Variants in CRYBG1 observed in about 807,000 individuals in gnomAD.
The protein encoded by CRYBG1 is beta/gamma crystallin domain-containing protein 1.
A neutral mutation model predicts 189.2 loss-of-function variants in CRYBG1; 139 were observed. The ratio of observed to expected loss-of-function variants is 0.73; its 90% CI spans 0.64 to 0.85. The LOEUF (loss-of-function observed/expected upper bound fraction) is 0.85. Ranked by LOEUF, CRYBG1 falls within the 40% of genes least tolerant of loss-of-function variation. The pLI, the probability that CRYBG1 is intolerant of heterozygous loss-of-function variation, is 0.00. For missense variants in CRYBG1, 2,611 were observed against 2,675.8 expected (o/e 0.98, Z 0.53); for synonymous variants, 1,023 against 1,017.1 (o/e 1.01, Z -0.11).
chr6:106,401,390 C>CTTTTTTTTTTTTTAATTTTT (rs1770716120), intron 1 of CRYBG1, among the ~76,000 whole-genome samples: 1 of 140,368 alleles, frequency 7.1e-6, no homozygotes, highest in Non-Finnish European at 1.5e-5. Context: ...CTGAATGATT[C>CTTTTTTTTTTTTTAATTTTT]TTTTTTTTTT....
At chr6:106,441,149 CAT>C (rs1771558927) in intron 1 of CRYBG1, among the ~76,000 whole-genome samples, 1 of 152,006 alleles carries the variant, frequency 6.6e-6, no homozygotes, top group Non-Finnish European at 1.5e-5. Context: ...CAAGCAAAGA[CAT>C]ATAAATAATG....
intron 1 of CRYBG1, among the ~76,000 whole-genome samples, chr6:106,422,620 C>T (rs1468893863): frequency 6.6e-6 from 1 of 152,130 alleles, no homozygotes; most frequent in Non-Finnish European, 1.5e-5. Flanking sequence ...TAGGTGTGGG[C>T]CACCCCATCT....
rs1229504243 is a variant in CRYBG1, at chr6:106,361,953, T to TTTTCTTTCTTTC, written c.173+875_173+876insCTTTCTTTCTTT. 9.0e-5 allele frequency among the ~76,000 whole-genome samples: 8 copies of TTTTCTTTCTTTC among 89,122 alleles called. 2 individuals carry two copies. Among genetic ancestry groups the TTTTCTTTCTTTC allele is most frequent in the Non-Finnish European group, 1.2e-4 (6 of 48,130 alleles). 58.5% of individuals were successfully genotyped at this position (89,122 alleles called of 152,430 possible). ...ATTTGCATTTTAGACATGGTTTTCC[T>TTTTCTTTCTTTC]TTTATTTCTTTCTTTCTTTTTTTTT... On this transcript the variant is annotated intron_variant, in intron 1 of 21. Transcript: ENST00000633556.
At chr6:106,557,189 C>T (rs891413492) in intron 17 of CRYBG1, among the ~76,000 whole-genome samples, 1 of 152,138 alleles carries the variant, frequency 6.6e-6, no homozygotes, top group South Asian at 2.1e-4. Context: ...AGTAGTAATA[C>T]TACTATAATT....
At chr6:106,538,133 T>C (rs1774046727) in intron 8 of CRYBG1, among the ~76,000 whole-genome samples, 4 of 150,274 alleles carry the variant, frequency 2.7e-5, no homozygotes, top group Admixed American at 2.0e-4. Context: ...TTGATGAGTG[T>C]AAGTGATCAC....
At chr6:106,483,297 C>T (rs1202831109) in intron 2 of CRYBG1, among the ~76,000 whole-genome samples, 1 of 150,834 alleles carries the variant, frequency 6.6e-6, no homozygotes, top group African/African-American at 2.4e-5. Flanking sequence ...TCTTCTGGGT[C>T]CATCCATATT....
chr6:106,543,369 A>G, intron 10 of CRYBG1, 71 bp from the exon 11 acceptor site: 1 of 1,448,202 alleles, frequency 6.9e-7, no homozygotes, highest in Non-Finnish European at 9.5e-7. Context: ...AGTGATATTA[A>G]ATGACTGATT....
chr6:106,431,190 A>G (rs184580330), intron 1 of CRYBG1, among the ~76,000 whole-genome samples: 21 of 152,276 alleles, frequency 1.4e-4, no homozygotes, highest in Non-Finnish European at 1.5e-5. Context: ...GCAAGTTACC[A>G]CAGCCTCCTA....
intron 2 of CRYBG1, 129 bp downstream of exon 2, chr6:106,451,961 TATATC>T: frequency 4.3e-6 from 2 of 460,674 alleles, no homozygotes; most frequent in Non-Finnish European, 6.4e-6. Flanking sequence ...ATAAATTATA[TATATC>T]ATATGTAATA....
rs746712213 is a variant in CRYBG1, at chr6:106,433,718, A to AAT, written c.174-17960_174-17959dup. On this transcript the variant is annotated intron_variant, in intron 1 of 21. Transcript: ENST00000633556. ...TGCTTTTAATTGCTAGAAACTGGGA[A>AAT]ATATATATATATATATACATATATA... Among the ~76,000 whole-genome samples, 176 of 64,912 alleles carry AAT rather than the reference A, an allele frequency of 2.7e-3. 11 individuals are homozygous for AAT. Among genetic ancestry groups the AAT allele is most frequent in the Middle Eastern group, 0.012 (2 of 172 alleles). 42.6% of individuals were successfully genotyped at this position (64,912 alleles called of 152,430 possible).
chr6:106,482,754 G>A (rs11754533), intron 2 of CRYBG1, among the ~76,000 whole-genome samples: 42,613 of 150,784 alleles, frequency 0.28, 7,486 homozygotes, highest in East Asian at 0.59. Flanking sequence ...CAGCCTGGGC[G>A]ACAGAGCGAG....
chr6:106,513,354 A>G (rs1427586198), intron 3 of CRYBG1, among the ~76,000 whole-genome samples: 2 of 152,228 alleles, frequency 1.3e-5, no homozygotes, highest in Non-Finnish European at 2.9e-5. Context: ...AGCTGATTCT[A>G]TTCTTTATTC....
chr6:106,382,851 A>G (rs779996312), intron 1 of CRYBG1, among the ~76,000 whole-genome samples: 3 of 152,242 alleles, frequency 2.0e-5, no homozygotes, highest in Non-Finnish European at 4.4e-5. Flanking sequence ...GTGATTAACT[A>G]TAACATTACC....
chr6:106,489,664 CA>C (rs75108691), intron 2 of CRYBG1, among the ~76,000 whole-genome samples: 15,273 of 114,714 alleles, frequency 0.13, 944 homozygotes, highest in Non-Finnish European at 0.17. Context: ...ACTAAAAATA[CA>C]AAAAAAAAAA....
intron 4 of CRYBG1, among the ~76,000 whole-genome samples, chr6:106,522,271 T>G (rs2114543742): frequency 6.6e-6 from 1 of 152,360 alleles, no homozygotes; most frequent in Admixed American, 6.5e-5. Flanking sequence ...TTTGTTCCCA[T>G]AAGTAGCAAT....
At chr6:106,518,284 C>T (rs138667141) in intron 3 of CRYBG1, among the ~76,000 whole-genome samples, 1,674 of 152,194 alleles carry the variant, frequency 0.011, 21 homozygotes, top group Admixed American at 0.018. Context: ...AGTGAACACA[C>T]TTATAATCAG....
At chr6:106,436,362 G>A (rs183943289) in intron 1 of CRYBG1, among the ~76,000 whole-genome samples, 2 of 150,606 alleles carry the variant, frequency 1.3e-5, no homozygotes, top group Admixed American at 1.3e-4. Flanking sequence ...GCAGCGGCGC[G>A]ATCTCGGCCC....
At chr6:106,419,488 T>C (rs1654291592) in intron 1 of CRYBG1, among the ~76,000 whole-genome samples, 1 of 152,152 alleles carries the variant, frequency 6.6e-6, no homozygotes, top group African/African-American at 2.4e-5. Context: ...GCTCAAGCAG[T>C]CTTCCTACCT....
chr6:106,492,040 A>C (rs533470555), intron 2 of CRYBG1, among the ~76,000 whole-genome samples: 1 of 152,158 alleles, frequency 6.6e-6, no homozygotes, highest in East Asian at 1.9e-4. Context: ...CATCTTATTA[A>C]ATCCATCCTT....
Sources: gnomAD v4.1 joint callset for allele counts (sites outside exome capture counted in the v4.1 genomes callset) on GRCh38, gnomAD v4.1.1 for gene constraint, MANE v1.5 for transcripts, NCBI Gene and HGNC (gene_info 2026-07-23, HGNC 2026-07-21) for gene names.